SEC22A: variants seen among roughly 807,000 people sequenced by gnomAD.
The protein encoded by SEC22A is vesicle-trafficking protein SEC22a.
Under a neutral mutation model 35.3 loss-of-function variants are expected in SEC22A, and 22 were observed. The observed-to-expected ratio is 0.62, with a 90% confidence interval of 0.45 to 0.89. SEC22A has a LOEUF of 0.89. Among genes scored for constraint, SEC22A ranks in the 40% least tolerant of loss-of-function variants. The pLI is 0.00. For missense variants in SEC22A, 354 were observed against 362.5 expected, an observed-to-expected ratio of 0.98 and a Z score of 0.19; for synonymous variants, 119 against 129.5, an observed-to-expected ratio of 0.92 and a Z score of 0.55.
At position 123,223,462 on chromosome 3, in the gene SEC22A, G is replaced by A. The variant is rs528095197; in HGVS notation, c.183-97G>A. 66 of 883,094 alleles carry A rather than the reference G, an allele frequency of 7.5e-5. No homozygotes were observed. In the South Asian group the frequency reaches 9.6e-4, roughly 13 times the overall value. The allele number at this position is 883,094 out of a possible 1,614,324, so 54.7% of individuals were successfully genotyped here. A position where few individuals can be genotyped will look rare whatever the true frequency, so the allele number is the denominator to read the frequency against. ...AAATGTTAAGATCTTCATTGCCACCGTAGTAGCAGTTTATGGTGTATAGAA... is the reference window on the plus strand; with the variant it reads ...AAATGTTAAGATCTTCATTGCCACCATAGTAGCAGTTTATGGTGTATAGAA... On this transcript the variant is annotated intron_variant, in intron 2 of 6. Coordinates refer to ENST00000492595, the MANE Select transcript of SEC22A (RefSeq NM_012430.5).
chr3:123,247,223 A>G (rs1937574352), intron 5 of SEC22A, among the ~76,000 whole-genome samples: 4 of 152,124 alleles, frequency 2.6e-5, no homozygotes, highest in Admixed American at 1.3e-4. Context: ...TACAAATAAG[A>G]TACTCTTTTT....
At chr3:123,237,747 A>G (rs1166650144) in intron 4 of SEC22A, among the ~76,000 whole-genome samples, 3 of 152,194 alleles carry the variant, frequency 2.0e-5, no homozygotes, top group Non-Finnish European at 2.9e-5. Context: ...AACTCCACGT[A>G]TCACCTGACT....
chr3:123,213,934 A>G (rs924461781), intron 2 of SEC22A, among the ~76,000 whole-genome samples: 2 of 152,238 alleles, frequency 1.3e-5, no homozygotes, highest in African/African-American at 4.8e-5. Flanking sequence ...CTGTAATCCC[A>G]GCACTTTGGG....
intron 2 of SEC22A, among the ~76,000 whole-genome samples, chr3:123,210,426 G>T (rs540655268): frequency 6.6e-6 from 1 of 152,218 alleles, no homozygotes; most frequent in Non-Finnish European, 1.5e-5. Flanking sequence ...GATGAATAAT[G>T]TAGCTGAAAT....
At chr3:123,219,421 A>G (rs1051427984) in intron 2 of SEC22A, among the ~76,000 whole-genome samples, 4 of 152,216 alleles carry the variant, frequency 2.6e-5, no homozygotes, top group African/African-American at 9.7e-5. Flanking sequence ...TGGTTAATCT[A>G]TACTACATGG....
At position 123,272,799 on chromosome 3, in the gene SEC22A, A is replaced by G. The variant is rs1008518840; in HGVS notation, c.*1077A>G. ...TCTATGTTGTGCATCACTTAAAGACATGTTGTGTGCCACCAGTGGCATGGG... is the reference window on the plus strand; with the variant it reads ...TCTATGTTGTGCATCACTTAAAGACGTGTTGTGTGCCACCAGTGGCATGGG... On this transcript the variant is annotated 3_prime_UTR_variant, in exon 7 of 7. Transcript: ENST00000492595. 1.3e-5 allele frequency: 2 copies of G among 153,812 alleles called. No homozygotes were observed. The highest frequency in any genetic ancestry group is 4.8e-5 in the African/African-American group (2 of 41,458). 9.5% of individuals were successfully genotyped at this position (153,812 alleles called of 1,614,324 possible).
intron 6 of SEC22A, among the ~76,000 whole-genome samples, chr3:123,260,131 C>CAAAAAAAAAAAAAAAAAAAAAAAAAAAAA (rs533386545): frequency 4.0e-5 from 2 of 49,784 alleles, no homozygotes; most frequent in African/African-American, 2.0e-4. Context: ...GACTACATCT[C>CAAAAAAAAAAAAAAAAAAAAAAAAAAAAA]AAAAAAAAAA....
intron 4 of SEC22A, 126 bp from the exon 5 acceptor site, chr3:123,245,773 G>A: frequency 1.6e-6 from 1 of 607,840 alleles, no homozygotes; most frequent in Non-Finnish European, 3.0e-6. Flanking sequence ...GTGAATATAT[G>A]GTGTTAAATA....
At chr3:123,216,369 A>G (rs1479021497) in intron 2 of SEC22A, among the ~76,000 whole-genome samples, 1 of 152,234 alleles carries the variant, frequency 6.6e-6, no homozygotes, top group Non-Finnish European at 1.5e-5. Context: ...TGTCAAAGGC[A>G]AACTTTGCTT....
chr3:123,203,545 T>A (rs1330386205), intron 1 of SEC22A, among the ~76,000 whole-genome samples: 1 of 152,178 alleles, frequency 6.6e-6, no homozygotes, highest in African/African-American at 2.4e-5. Context: ...GATGTGGAAA[T>A]TGAGATATAG....
At chr3:123,259,182 A>G (rs938893772) in intron 5 of SEC22A, among the ~76,000 whole-genome samples, 5 of 152,324 alleles carry the variant, frequency 3.3e-5, no homozygotes, top group Admixed American at 3.3e-4. Context: ...TAACTTTGTC[A>G]GCCACTGGGG....
chr3:123,234,242 C>A (rs6775780), intron 4 of SEC22A, among the ~76,000 whole-genome samples: 1 of 151,934 alleles, frequency 6.6e-6, no homozygotes, highest in South Asian at 2.1e-4. Context: ...ATAAAAATCC[C>A]GGCTTTTTTT....
At chr3:123,259,453 A>G in intron 5 of SEC22A, 71 bp from the exon 6 acceptor site, 4 of 1,060,652 alleles carry the variant, frequency 3.8e-6, no homozygotes, top group Non-Finnish European at 5.8e-6. Context: ...GTTACATCCT[A>G]TCTTGATGGA....
chr3:123,246,037 T>C, intron 5 of SEC22A, 23 bp downstream of exon 5: 2 of 1,242,162 alleles, frequency 1.6e-6, no homozygotes, highest in Non-Finnish European at 2.4e-6. Context: ...TTTTGCAATT[T>C]CAGGTGACTG....
chr3:123,216,815 C>A (rs529154756), intron 2 of SEC22A, among the ~76,000 whole-genome samples: 27 of 152,268 alleles, frequency 1.8e-4, no homozygotes, highest in African/African-American at 6.3e-4. Flanking sequence ...TAATGTTGAG[C>A]CCCTCTATTC....
intron 4 of SEC22A, among the ~76,000 whole-genome samples, chr3:123,226,010 G>A (rs1937213342): frequency 6.6e-6 from 1 of 152,162 alleles, no homozygotes; most frequent in African/African-American, 2.4e-5. Flanking sequence ...CATCCGTGCT[G>A]TTGCAAATGA....
In SEC22A at chr3:123,209,321, A is replaced by G. The variant is rs189289679; in HGVS notation, c.104A>G (p.Lys35Arg). ...EQSTGMQECR[K>R]YFKMLSRKLA... ...AGCACAGGAATGCAGGAGTGCAGAA[A>G]GTATTTTAAAATGCTTTCGAGGAAA... Residue 35 changes from lysine to arginine, a missense_variant, in exon 2 of 7, where the codon AAG (lysine) becomes AGG (arginine). Physicochemically the swap from Lys to Arg is conservative, Grantham distance 26 (BLOSUM62 2). Transcript: ENST00000492595. The G allele has an allele frequency of 1.9e-6, 3 of 1,614,108 alleles. No homozygotes were observed. Among genetic ancestry groups the G allele is most frequent in the Non-Finnish European group, 2.5e-6 (3 of 1,179,970 alleles).
intron 2 of SEC22A, among the ~76,000 whole-genome samples, chr3:123,210,426 G>A (rs540655268): frequency 1.3e-5 from 2 of 152,336 alleles, no homozygotes; most frequent in Non-Finnish European, 2.9e-5. Flanking sequence ...GATGAATAAT[G>A]TAGCTGAAAT....
At chr3:123,259,372 T>C (rs1937822965) in intron 5 of SEC22A, 152 bp from the exon 6 acceptor site, 1 of 615,534 alleles carries the variant, frequency 1.6e-6, no homozygotes, top group African/African-American at 1.8e-5. Flanking sequence ...ATGTGCTTTA[T>C]GTTTTCATTT....
Sources: gnomAD v4.1 joint callset for allele counts (sites outside exome capture counted in the v4.1 genomes callset) on GRCh38, gnomAD v4.1.1 for gene constraint, MANE v1.5 for transcripts, NCBI Gene and HGNC (gene_info 2026-07-23, HGNC 2026-07-21) for gene names.